ARHGAP26: variants seen among roughly 807,000 people sequenced by gnomAD.
The protein encoded by ARHGAP26 is Rho GTPase activating protein 26, also known as rho GTPase-activating protein 26.
A neutral mutation model predicts 104.8 loss-of-function variants in ARHGAP26; 38 were observed. The ratio of observed to expected loss-of-function variants is 0.36; its 90% CI spans 0.28 to 0.48. The LOEUF is 0.48. Among genes scored for constraint, ARHGAP26 ranks in the 20% least tolerant of loss-of-function variants. The pLI is 0.99. For synonymous variants in ARHGAP26, 341 were observed against 340.0 expected (o/e 1.00, Z -0.03); for missense variants, 704 against 947.9 (o/e 0.74, Z 3.38).
chr5:142,853,807 C>T (rs1329919100), intron 1 of ARHGAP26, among the ~76,000 whole-genome samples: 1 of 152,198 alleles, frequency 6.6e-6, no homozygotes, highest in African/African-American at 2.4e-5. Context: ...TCCACACTGG[C>T]AGGAGGCTAC....
At chr5:143,166,737 A>T (rs569874176) in intron 20 of ARHGAP26, among the ~76,000 whole-genome samples, 1 of 152,340 alleles carries the variant, frequency 6.6e-6, no homozygotes, top group African/African-American at 2.4e-5. Flanking sequence ...CAGTTTAATC[A>T]TCTGTAGCCA....
chr5:143,041,995 G>T (rs1419897036), intron 14 of ARHGAP26, 105 bp downstream of exon 14: 1 of 941,172 alleles, frequency 1.1e-6, no homozygotes. Context: ...AGGAATCGGG[G>T]TGTCCGTGAG....
intron 6 of ARHGAP26, among the ~76,000 whole-genome samples, chr5:142,898,175 TACACAC>T (rs10571226): frequency 8.7e-5 from 13 of 149,838 alleles, no homozygotes; most frequent in South Asian, 2.1e-4. Flanking sequence ...CACACACACA[TACACAC>T]ACACACACAC....
chr5:143,024,048 T>C (rs149456157), intron 12 of ARHGAP26, among the ~76,000 whole-genome samples: 3 of 152,380 alleles, frequency 2.0e-5, no homozygotes, highest in African/African-American at 7.2e-5. Flanking sequence ...TGCAACACAG[T>C]TGCTGTGGTG....
chr5:142,844,917 C>T (rs1771628292), intron 1 of ARHGAP26, among the ~76,000 whole-genome samples: 2 of 151,884 alleles, frequency 1.3e-5, no homozygotes. Context: ...GTTTTGCAGG[C>T]TATTCCTCCC....
intron 20 of ARHGAP26, among the ~76,000 whole-genome samples, chr5:143,184,634 A>G (rs1804876093): frequency 6.6e-6 from 1 of 152,254 alleles, no homozygotes; most frequent in African/African-American, 2.4e-5. Context: ...CCTGTCTCTC[A>G]TCGGCCCCCT....
intron 12 of ARHGAP26, among the ~76,000 whole-genome samples, chr5:143,016,565 T>C (rs900665477): frequency 1.4e-4 from 21 of 152,134 alleles, no homozygotes; most frequent in Middle Eastern, 6.8e-3. Flanking sequence ...TAGCCAGGCA[T>C]GGTGGCACAC....
At chr5:143,137,104 A>AT (rs1797994835) in intron 19 of ARHGAP26, among the ~76,000 whole-genome samples, 1 of 152,120 alleles carries the variant, frequency 6.6e-6, no homozygotes, top group Non-Finnish European at 1.5e-5. Context: ...GATACATAAG[A>AT]CCTCTAAGAA....
At position 142,873,431 on chromosome 5, in the gene ARHGAP26, T is replaced by G; in HGVS notation, c.186T>G (p.Asp62Glu). 6.3e-7 allele frequency: 1 copy of G among 1,598,940 alleles called. No homozygotes were observed. The highest frequency in any genetic ancestry group is 8.5e-7 in the Non-Finnish European group (1 of 1,176,166). ...NLSSAKRKFA[D>E]SLNEFKFQCI... ...CTTCAGCGAAGCGGAAGTTTGCAGA[T>G]TCCTTAAATGAATTTAAATTTCAGT... The change falls in exon 2 of 23, where the codon GAT (aspartate) becomes GAG (glutamate). Residue 62 changes from aspartate (D) to glutamate (E), a missense_variant. Transcript: ENST00000645722.
At chr5:142,885,737 C>T (rs1757607261) in intron 5 of ARHGAP26, among the ~76,000 whole-genome samples, 2 of 152,214 alleles carry the variant, frequency 1.3e-5, no homozygotes, top group South Asian at 2.1e-4. Flanking sequence ...ATTCTGCCCT[C>T]TGTTACTTTA....
chr5:142,913,396 C>G, intron 10 of ARHGAP26, 103 bp downstream of exon 10: 1 of 979,598 alleles, frequency 1.0e-6, no homozygotes, highest in Admixed American at 2.0e-5. Context: ...CCCTTCTCCC[C>G]CTCCCTCCTT....
At chr5:143,187,634 C>T (rs760460547) in intron 20 of ARHGAP26, among the ~76,000 whole-genome samples, 10 of 152,198 alleles carry the variant, frequency 6.6e-5, no homozygotes, top group Non-Finnish European at 1.2e-4. Context: ...CCCAGTTTCC[C>T]GACGTCAGTT....
At chr5:143,110,582 T>G (rs1178235588) in intron 17 of ARHGAP26, among the ~76,000 whole-genome samples, 1 of 152,168 alleles carries the variant, frequency 6.6e-6, no homozygotes, top group African/African-American at 2.4e-5. Flanking sequence ...TGTGCAACTT[T>G]TAAACCTCCT....
At chr5:143,020,919 C>T (rs559754694) in intron 12 of ARHGAP26, among the ~76,000 whole-genome samples, 136 of 152,252 alleles carry the variant, frequency 8.9e-4, no homozygotes, top group Non-Finnish European at 1.6e-3. Context: ...GGATTACAGG[C>T]GTGAGCCACT....
intron 19 of ARHGAP26, 28 bp from the exon 20 acceptor site, chr5:143,147,203 T>C (rs1345792134): frequency 6.2e-7 from 1 of 1,609,776 alleles, no homozygotes; most frequent in Admixed American, 1.7e-5. Context: ...ATAATATTAA[T>C]ATGGGACTTG....
intron 1 of ARHGAP26, among the ~76,000 whole-genome samples, chr5:142,818,163 CCTTCCACCGTGCCATGTGGGACCA>C (rs1448936960): frequency 6.6e-6 from 1 of 151,984 alleles, no homozygotes; most frequent in African/African-American, 2.4e-5. Flanking sequence ...GTGTATCTTT[CCTTCCACCGTGCCATGTGGGACCA>C]CAAAGGAGAA....
At chr5:143,050,147 C>T (rs1193244951) in intron 14 of ARHGAP26, among the ~76,000 whole-genome samples, 3 of 152,214 alleles carry the variant, frequency 2.0e-5, no homozygotes, top group African/African-American at 7.2e-5. Flanking sequence ...ATTGTTTCCC[C>T]AGCTGGATTT....
At chr5:142,866,810 C>G (rs543349979) in intron 1 of ARHGAP26, 2 of 152,084 alleles carry the variant, frequency 1.3e-5, no homozygotes. Flanking sequence ...TGTAACGTAC[C>G]GTGGCTGATG....
intron 12 of ARHGAP26, among the ~76,000 whole-genome samples, chr5:143,018,506 T>G (rs1300435900): frequency 2.6e-5 from 4 of 152,256 alleles, no homozygotes; most frequent in African/African-American, 9.6e-5. Flanking sequence ...CTAGCTGATT[T>G]CCACCACTGT....
Sources: gnomAD v4.1 joint callset for allele counts (sites outside exome capture counted in the v4.1 genomes callset) on GRCh38, gnomAD v4.1.1 for gene constraint, MANE v1.5 for transcripts, NCBI Gene and HGNC (gene_info 2026-07-23, HGNC 2026-07-21) for gene names.